The following PAX3 variants were observed in gnomAD, a reference collection of about 807,000 sequenced individuals.
PAX3 encodes the protein paired box protein Pax-3.
Under a neutral mutation model 51.6 loss-of-function variants are expected in PAX3, and 14 were observed. The ratio of observed to expected loss-of-function variants is 0.27; its 90% CI spans 0.18 to 0.42. The LOEUF (loss-of-function observed/expected upper bound fraction) is 0.42. Among genes scored for constraint, PAX3 ranks in the 10% least tolerant of loss-of-function variants. The pLI, the probability that PAX3 is intolerant of heterozygous loss-of-function variation, is 1.00. For missense variants in PAX3, 540 were observed against 642.8 expected, an observed-to-expected ratio of 0.84 and a Z score of 1.73; for synonymous variants, 280 against 253.4, an observed-to-expected ratio of 1.11 and a Z score of -1.00.
intron 4 of PAX3, among the ~76,000 whole-genome samples, chr2:222,245,002 G>T (rs1457349244): frequency 6.6e-6 from 1 of 152,078 alleles, no homozygotes; most frequent in African/African-American, 2.4e-5. Flanking sequence ...ACAAAAATTA[G>T]CTGGATATGA....
chr2:222,247,726 A>G (rs1693279888), intron 4 of PAX3, among the ~76,000 whole-genome samples: 2 of 152,050 alleles, frequency 1.3e-5, no homozygotes, highest in South Asian at 4.1e-4. Flanking sequence ...CCACCAACAA[A>G]CCCACTGAAT....
chr2:222,286,765 T>C (rs991229775), intron 4 of PAX3, among the ~76,000 whole-genome samples: 2 of 152,202 alleles, frequency 1.3e-5, no homozygotes, highest in African/African-American at 4.8e-5. Flanking sequence ...CAACAGAAAT[T>C]ACCTGTTGGT....
intron 4 of PAX3, among the ~76,000 whole-genome samples, chr2:222,260,578 G>GTTTTTTT (rs1345531558): frequency 1.6e-5 from 1 of 61,690 alleles, no homozygotes; most frequent in Non-Finnish European, 3.2e-5. Context: ...TTTTTTTTTT[G>GTTTTTTT]TTTTTTTTTT....
At chr2:222,295,716 G>A in intron 2 of PAX3, 59 bp from the exon 3 acceptor site, 1 of 1,602,980 alleles carries the variant, frequency 6.2e-7, no homozygotes. Context: ...GGTGGCGGCG[G>A]CCCCACCGCC....
intron 4 of PAX3, among the ~76,000 whole-genome samples, chr2:222,276,521 T>A (rs1201881419): frequency 6.6e-6 from 1 of 152,144 alleles, no homozygotes; most frequent in African/African-American, 2.4e-5. Context: ...GCCTGTACCT[T>A]CTACAAGTCT....
chr2:222,295,162 T>A (rs1490922875), intron 3 of PAX3, among the ~76,000 whole-genome samples: 6 of 152,090 alleles, frequency 3.9e-5, no homozygotes, highest in Non-Finnish European at 7.4e-5. Context: ...GCAAAGTCCC[T>A]CCCGGCGCGG....
At chr2:222,226,060 T>G (rs1013262) in intron 5 of PAX3, among the ~76,000 whole-genome samples, 46,679 of 152,178 alleles carry the variant, frequency 0.31, 8,787 homozygotes, top group Non-Finnish European at 0.42. Context: ...CTGGTTCACA[T>G]TTTTGGTGGT....
intron 4 of PAX3, among the ~76,000 whole-genome samples, chr2:222,289,062 G>A (rs1347547890): frequency 6.6e-6 from 1 of 152,214 alleles, no homozygotes; most frequent in South Asian, 2.1e-4. Flanking sequence ...CAACCCCAGA[G>A]CAGCCAGTGA....
intron 4 of PAX3, among the ~76,000 whole-genome samples, chr2:222,255,982 G>A (rs1257884345): frequency 7.2e-6 from 1 of 138,942 alleles, no homozygotes; most frequent in Admixed American, 8.2e-5. Context: ...TGTTAGCCAG[G>A]ATGGTCTCGA....
intron 4 of PAX3, among the ~76,000 whole-genome samples, chr2:222,249,802 C>T (rs1693359172): frequency 6.6e-6 from 1 of 152,174 alleles, no homozygotes; most frequent in South Asian, 2.1e-4. Flanking sequence ...TATGTCTGCC[C>T]TTCCTGCTAA....
chr2:222,202,946 G>A lies in PAX3; in HGVS notation c.1174-756C>T, dbSNP rs1574620906. Among the ~76,000 whole-genome samples the A allele has an allele frequency of 2.1e-5, 3 of 139,642 alleles. No homozygotes were observed. In the South Asian group the frequency reaches 6.9e-4, roughly 32 times the overall value. The allele number at this position is 139,642 out of a possible 152,430, so 91.6% of individuals were successfully genotyped here. A position where few individuals can be genotyped will look rare whatever the true frequency, so the allele number is the denominator to read the frequency against. On this transcript the variant is annotated intron_variant, in intron 7 of 8. Transcript: ENST00000392070. ...ATATTAAGTGCCGAATGAATGAAAT[G>A]TAAATGATTCTCCAAGTAAAAGCCT... is the stretch of plus-strand genomic sequence containing the variant.
At chr2:222,225,274 T>C (rs1217190276) in intron 5 of PAX3, among the ~76,000 whole-genome samples, 1 of 152,222 alleles carries the variant, frequency 6.6e-6, no homozygotes, top group Admixed American at 6.5e-5. Context: ...GTCTCTCTAC[T>C]GAGTCCTTCC....
intron 4 of PAX3, chr2:222,287,652 C>G (rs1475717975): frequency 6.6e-6 from 1 of 152,210 alleles, no homozygotes; most frequent in Non-Finnish European, 1.5e-5. Context: ...CATAACAAAT[C>G]TGAGCTAACT....
At chr2:222,201,557 G>A in intron 8 of PAX3, 115 bp from the exon 9 acceptor site, 4 of 1,438,386 alleles carry the variant, frequency 2.8e-6, no homozygotes, top group Non-Finnish European at 3.9e-6. Context: ...AAAGGCTTGA[G>A]ACTAATATTT....
In PAX3 at chr2:222,296,981, G is replaced by A; in HGVS notation, c.318C>T (p.Pro106=). The change falls in exon 2 of 9, where the codon CCC becomes CCT. Residue 106 remains proline, a synonymous_variant. Coordinates refer to ENST00000392070, the MANE Select transcript of PAX3 (RefSeq NM_181458.4). ...AGGGCAAGGCCCGCCCGCTCACCTT[G>A]GGCTTGCTGCCGCCGATGGCACCAG... is the stretch of plus-strand genomic sequence containing the variant. ...IRPGAIGGSK[P]KQVTTPDVEK... is the part of the protein sequence containing the mutation. 1.2e-6 allele frequency: 2 copies of A among 1,612,528 alleles called. No individual in the cohort carries two copies. The highest frequency in any genetic ancestry group is 1.7e-4 in the Middle Eastern group (1 of 6,036).
At position 222,220,259 on chromosome 2, in the gene PAX3, AGCT is replaced by A. The variant is rs1692138819; in HGVS notation, c.1051_1053del (p.Ser352del). 1.2e-6 allele frequency: 2 copies of A among 1,613,920 alleles called. No individual in the cohort carries two copies. The highest frequency in any genetic ancestry group is 2.2e-5 in the South Asian group (2 of 91,084). ...CTGGTGCTGGGGAGGCAGTAGGCAG[AGCT>A]GCTGTCTGGGTTGGAAGGAATCGTG... On this transcript the variant is annotated inframe_deletion, in exon 7 of 9. Transcript: ENST00000392070.
rs779940973 is a variant in PAX3, at chr2:222,293,672, G to C, written c.586+495C>G. On this transcript the variant is annotated intron_variant, in intron 4 of 8. Coordinates refer to ENST00000392070, the MANE Select transcript of PAX3 (RefSeq NM_181458.4). ...CATATTTATAAGGCAGCCAATGTGG[G>C]GGCAATTTTGGAGGGCCGTTGCCCA... is the stretch of plus-strand genomic sequence containing the variant. 1.9e-6 allele frequency: 3 copies of C among 1,613,974 alleles called. No homozygotes were observed. In the African/African-American group the frequency reaches 4.0e-5, roughly 22 times the overall value.
At position 222,200,296 on chromosome 2, in the gene PAX3, G is replaced by C. The variant is rs992416079; in HGVS notation, c.*1112C>G. The C allele has an allele frequency of 4.6e-6, 1 of 218,330 alleles. No homozygotes were observed. The highest frequency in any genetic ancestry group is 1.9e-4 in the South Asian group (1 of 5,392). 13.5% of individuals were successfully genotyped at this position (218,330 alleles called of 1,614,324 possible). A position where few individuals can be genotyped will look rare whatever the true frequency, so the allele number is the denominator to read the frequency against. On this transcript the variant is annotated 3_prime_UTR_variant, in exon 9 of 9. Transcript: ENST00000392070. ...TTGGATATCATTGTATAATTTAAAA[G>C]TACATGAGAGCCATGTGAACACTTC... is the stretch of plus-strand genomic sequence containing the variant.
chr2:222,282,818 C>A (rs894237853), intron 4 of PAX3, among the ~76,000 whole-genome samples: 1 of 152,168 alleles, frequency 6.6e-6, no homozygotes, highest in Non-Finnish European at 1.5e-5. Flanking sequence ...GAGACTGTTC[C>A]ATTTGAAGAA....
Sources: allele counts gnomAD v4.1 joint callset (sites outside exome capture counted in the v4.1 genomes callset), GRCh38; gene constraint gnomAD v4.1.1; transcripts MANE v1.5; gene names NCBI Gene and HGNC (gene_info 2026-07-23, HGNC 2026-07-21).